The following AMBRA1 variants were observed in gnomAD, a reference collection of about 807,000 sequenced individuals.
AMBRA1 encodes the protein autophagy and beclin 1 regulator 1, also known as activating molecule in BECN1-regulated autophagy protein 1.
A neutral mutation model predicts 125.4 loss-of-function variants in AMBRA1; 47 were observed. The observed-to-expected ratio is 0.37, with a 90% CI of 0.30 to 0.48. The LOEUF (loss-of-function observed/expected upper bound fraction) is 0.48, where lower values mean the gene tolerates loss of function less well. Among genes scored for constraint, AMBRA1 ranks in the 20% least tolerant of loss-of-function variants. The pLI, the probability that AMBRA1 is intolerant of heterozygous loss-of-function variation, is 0.99. For missense variants in AMBRA1, 1,331 were observed against 1,693.4 expected (o/e 0.79, Z 3.76); for synonymous variants, 626 against 655.5 (o/e 0.95, Z 0.69).
chr11:46,459,155 A>C (rs1948985102), intron 11 of AMBRA1, among the ~76,000 whole-genome samples: 1 of 152,248 alleles, frequency 6.6e-6, no homozygotes. Flanking sequence ...GGACAGACAG[A>C]AATCCTGGAT....
Position 46,400,473 on chromosome 11 carries a change from G to GTTTTTTTTTTTTTTTTTTT in AMBRA1, c.3404-2549_3404-2531dup, listed in dbSNP as rs553040136. Among the ~76,000 whole-genome samples the GTTTTTTTTTTTTTTTTTTT allele has an allele frequency of 5.3e-4, 26 of 48,894 alleles. 8 individuals are homozygous for GTTTTTTTTTTTTTTTTTTT. Among genetic ancestry groups the GTTTTTTTTTTTTTTTTTTT allele is most frequent in the African/African-American group, 1.3e-3 (20 of 15,492 alleles). The allele number at this position is 48,894 out of a possible 152,430, so 32.1% of individuals were successfully genotyped here. On this transcript the variant is annotated intron_variant, in intron 17 of 17. Transcript: ENST00000683756. The stretch of plus-strand genomic sequence containing the variant: ...CCTCATGCTTCTAGTTCTTTCTATA[G>GTTTTTTTTTTTTTTTTTTT]TTTTTTTTTTTTTTTTTTTTTTTTT...
At position 46,493,646 on chromosome 11, in the gene AMBRA1, C is replaced by G. The variant is rs758077019; in HGVS notation, c.2483G>C (p.Gly828Ala). The change falls in exon 11 of 18, where the codon GGC (glycine) becomes GCC (alanine). Residue 828 changes from glycine (G) to alanine (A), a missense_variant. Gly to Ala is a moderately conservative substitution (Grantham distance 60, BLOSUM62 0). This residue lies in a region of AMBRA1 where 354 missense variants were observed against 532.7 expected (regional missense o/e 0.66). Transcript: ENST00000683756. ...GTTAACAGAAGAGTGAGTAGCCAAG[C>G]CAGGCTGTCCACGTTCATGAAAAAT... ...AGIFHERGQP[G>A]LATHSSVNRV... The G allele has an allele frequency of 1.9e-6, 3 of 1,604,306 alleles. No homozygotes were observed. The Admixed American group carries it at 5.3e-5, about 28-fold the overall frequency.
At chr11:46,511,314 T>C (rs1368487458) in intron 8 of AMBRA1, among the ~76,000 whole-genome samples, 1 of 152,216 alleles carries the variant, frequency 6.6e-6, no homozygotes, top group Non-Finnish European at 1.5e-5. Flanking sequence ...ACTCATCATC[T>C]ATGGTGCCTG....
In AMBRA1 at chr11:46,443,603, T is replaced by C. The variant is rs1948122108; in HGVS notation, c.2522-5A>G. 6.2e-7 allele frequency: 1 copy of C among 1,611,692 alleles called. No homozygotes were observed. The highest frequency in any genetic ancestry group is 1.7e-5 in the Admixed American group (1 of 59,940). On this transcript the variant is annotated splice_polypyrimidine_tract_variant and splice_region_variant and intron_variant, in intron 11 of 17. Coordinates refer to ENST00000683756, the MANE Select transcript of AMBRA1 (RefSeq NM_001387011.1). The stretch of plus-strand genomic sequence containing the variant: ...GTCCATCACCGATCACTGCCCCTTA[T>C]GAGGAAGAAGTCAAAGACAGCACAT...
At chr11:46,461,886 T>C (rs1565183198) in intron 11 of AMBRA1, among the ~76,000 whole-genome samples, 1 of 152,164 alleles carries the variant, frequency 6.6e-6, no homozygotes, top group Non-Finnish European at 1.5e-5. Flanking sequence ...GGCCCAAGCA[T>C]TTCTCTTCAA....
intron 7 of AMBRA1, among the ~76,000 whole-genome samples, chr11:46,516,210 T>A (rs1044057703): frequency 1.3e-5 from 2 of 152,122 alleles, no homozygotes. Context: ...ATATGTCACT[T>A]TACTGCTAAT....
intron 7 of AMBRA1, 113 bp from the exon 8 acceptor site, chr11:46,512,926 C>T (rs894777611): frequency 3.5e-5 from 31 of 887,266 alleles, no homozygotes; most frequent in Admixed American, 1.3e-4. Flanking sequence ...AGCCAGCTAA[C>T]GCCTGTTATC....
At chr11:46,473,991 C>T (rs898757883) in intron 11 of AMBRA1, among the ~76,000 whole-genome samples, 11 of 152,124 alleles carry the variant, frequency 7.2e-5, no homozygotes, top group Non-Finnish European at 1.5e-4. Flanking sequence ...CTTAATTTTT[C>T]CTGTTAAAAA....
chr11:46,426,890 T>C (rs1590775964), intron 14 of AMBRA1, among the ~76,000 whole-genome samples: 1 of 152,292 alleles, frequency 6.6e-6, no homozygotes. Flanking sequence ...GAAGAAATAG[T>C]ACCCTTCCAG....
intron 1 of AMBRA1, among the ~76,000 whole-genome samples, chr11:46,588,150 T>A (rs991534782): frequency 6.6e-6 from 1 of 152,282 alleles, no homozygotes; most frequent in East Asian, 1.9e-4. Flanking sequence ...CTGGCCAACA[T>A]GGTGAAACCT....
chr11:46,520,135 G>A (rs1326655033), intron 7 of AMBRA1, among the ~76,000 whole-genome samples: 4 of 131,612 alleles, frequency 3.0e-5, no homozygotes, highest in East Asian at 2.1e-4. Flanking sequence ...GTGAAACTCC[G>A]CCTCGAAAAA....
At chr11:46,400,699 C>T (rs1385238410) in intron 17 of AMBRA1, among the ~76,000 whole-genome samples, 2 of 151,856 alleles carry the variant, frequency 1.3e-5, no homozygotes, top group African/African-American at 4.8e-5. Context: ...GTTGCCCAGG[C>T]TGGTCTTGAA....
intron 1 of AMBRA1, among the ~76,000 whole-genome samples, chr11:46,567,017 G>A (rs2043557031): frequency 6.6e-6 from 1 of 152,064 alleles, no homozygotes; most frequent in Non-Finnish European, 1.5e-5. Flanking sequence ...CCTGTCTCAA[G>A]AAAATAAATA....
intron 11 of AMBRA1, among the ~76,000 whole-genome samples, chr11:46,449,649 T>C (rs950298113): frequency 6.6e-6 from 1 of 152,240 alleles, no homozygotes; most frequent in African/African-American, 2.4e-5. Flanking sequence ...TCCTGAATTA[T>C]TTTGTGAATA....
At position 46,557,245 on chromosome 11, in the gene AMBRA1, G is replaced by A. The variant is rs527501073; in HGVS notation, c.-120-8745C>T. 1.6e-4 allele frequency among the ~76,000 whole-genome samples: 24 copies of A among 149,024 alleles called. No individual in the cohort carries two copies. The South Asian group carries it at 4.9e-3, about 30-fold the overall frequency. ...AAACCTGGGACACAGAGGTTGCAGT[G>A]AGCCGAGATCACGCCACTGCACTCC... On this transcript the variant is annotated intron_variant, in intron 1 of 17. Coordinates refer to ENST00000683756, the MANE Select transcript of AMBRA1 (RefSeq NM_001387011.1).
At chr11:46,423,935 G>A (rs771249814) in intron 14 of AMBRA1, among the ~76,000 whole-genome samples, 65 of 151,452 alleles carry the variant, frequency 4.3e-4, no homozygotes, top group Admixed American at 9.9e-4. Context: ...GGTTAATTTT[G>A]TATTTTTAGT....
intron 1 of AMBRA1, among the ~76,000 whole-genome samples, chr11:46,574,945 C>G (rs1272232168): frequency 1.3e-5 from 2 of 152,210 alleles, no homozygotes; most frequent in African/African-American, 4.8e-5. Context: ...GGTTCACATT[C>G]AAAAGTTAGT....
At chr11:46,483,672 G>T (rs562763709) in intron 11 of AMBRA1, among the ~76,000 whole-genome samples, 2 of 152,288 alleles carry the variant, frequency 1.3e-5, no homozygotes, top group East Asian at 3.9e-4. Flanking sequence ...GACCAAGGTG[G>T]GTGGATCACC....
At chr11:46,575,261 C>T (rs916119261) in intron 1 of AMBRA1, among the ~76,000 whole-genome samples, 3 of 151,990 alleles carry the variant, frequency 2.0e-5, no homozygotes, top group South Asian at 4.1e-4. Flanking sequence ...AGTTCGAGAT[C>T]GGCCTGACCA....
Sources: gnomAD v4.1 joint callset for allele counts (sites outside exome capture counted in the v4.1 genomes callset) on GRCh38, gnomAD v4.1.1 for gene constraint, gnomAD v4.1.1 regional missense constraint, MANE v1.5 for transcripts, NCBI Gene and HGNC (gene_info 2026-07-23, HGNC 2026-07-21) for gene names.